The following HMGN1 variants were observed in gnomAD, a reference collection of about 807,000 sequenced individuals.
HMGN1 encodes non-histone chromosomal protein HMG-14.
A neutral mutation model predicts 18.4 loss-of-function variants in HMGN1; 9 were observed. That is an observed-to-expected ratio of 0.49 (90% CI 0.29 to 0.85). HMGN1 has a LOEUF of 0.85. HMGN1 is among the 40% of genes least tolerant of loss of function. HMGN1 has a pLI of 0.07. For missense variants in HMGN1, 151 were observed against 119.2 expected, an observed-to-expected ratio of 1.27 and a Z score of -1.24; for synonymous variants, 59 against 45.0, an observed-to-expected ratio of 1.31 and a Z score of -1.24.
intron 1 of HMGN1, 100 bp downstream of exon 1, chr21:39,348,803 C>T: frequency 9.4e-7 from 1 of 1,062,310 alleles, no homozygotes. Context: ...CTCCCGGGCC[C>T]GTCGCCACCG....
intron 4 of HMGN1, chr21:39,347,103 A>G (rs2146858327): frequency 6.1e-6 from 1 of 163,480 alleles, no homozygotes; most frequent in South Asian, 1.4e-4. Flanking sequence ...AGGTAATAAT[A>G]TACTGCTCAC....
intron 1 of HMGN1, 112 bp downstream of exon 1, chr21:39,348,791 G>A: frequency 5.7e-6 from 6 of 1,053,048 alleles, no homozygotes; most frequent in Non-Finnish European, 6.2e-6. Flanking sequence ...GTCTCCAAGC[G>A]CCTCCCGGGC....
At position 39,348,298 on chromosome 21, in the gene HMGN1, T is replaced by C. The variant is rs766292229; in HGVS notation, c.120A>G (p.Ala40=). The C allele has an allele frequency of 1.0e-4, 166 of 1,614,014 alleles. No individual in the cohort carries two copies. Among genetic ancestry groups the C allele is most frequent in the Non-Finnish European group, 1.4e-4 (160 of 1,179,982 alleles). Residue 40 remains alanine (A), a synonymous_variant, in exon 4 of 6, where the codon GCA becomes GCG. Coordinates refer to ENST00000380749, the MANE Select transcript of HMGN1 (RefSeq NM_004965.7). Reference sequence around the variant, plus strand: ...TGCGCGTTTCGAGGCTTACCTTCGCTGCTGCCTTTTTCGGCTTCGCTTCCA... The same window carrying C: ...TGCGCGTTTCGAGGCTTACCTTCGCCGCTGCCTTTTTCGGCTTCGCTTCCA... ...AKVEAKPKKA[A]AKDKSSDKKV... is the part of the protein sequence containing the mutation.
Position 39,348,500 on chromosome 21 carries a change from G to C in HMGN1, c.48+45C>G, listed in dbSNP as rs114120188. The C allele has an allele frequency of 2.5e-3, 4,083 of 1,614,014 alleles. 73 individuals are homozygous for C. The African/African-American group carries it at 0.041, about 16-fold the overall frequency. ...CAGCGAGAAGAGAAGGCAGGCCAGC[G>C]GCTCACGGGAAACCCACCACCCCCC... On this transcript the variant is annotated intron_variant, in intron 2 of 5. Transcript: ENST00000380749.
At chr21:39,348,789 G>A in intron 1 of HMGN1, 114 bp downstream of exon 1, 1 of 1,078,098 alleles carries the variant, frequency 9.3e-7, no homozygotes, top group South Asian at 2.3e-5. Context: ...CGGTCTCCAA[G>A]CGCCTCCCGG....
At chr21:39,344,284 GAAGTACAA>G (rs2036967134) in intron 5 of HMGN1, among the ~76,000 whole-genome samples, 1 of 131,258 alleles carries the variant, frequency 7.6e-6, no homozygotes, top group South Asian at 2.3e-4. Flanking sequence ...AAGGAATTAA[GAAGTACAA>G]GAAGTACAAG....
Position 39,345,846 on chromosome 21 carries a change from T to C in HMGN1, c.127-572A>G, listed in dbSNP as rs760049027. 6.9e-6 allele frequency: 9 copies of C among 1,302,142 alleles called. No homozygotes were observed. In the South Asian group the frequency reaches 9.9e-5, roughly 14 times the overall value. The allele number at this position is 1,302,142 out of a possible 1,614,324, so 80.7% of individuals were successfully genotyped here. A position where few individuals can be genotyped will look rare whatever the true frequency, so the allele number is the denominator to read the frequency against. On this transcript the variant is annotated intron_variant, in intron 4 of 5. Coordinates refer to ENST00000380749, the MANE Select transcript of HMGN1 (RefSeq NM_004965.7). ...ACCAATCACCTGAAAAAAAGCACCA[T>C]GCCGTACGGTCAGGTTGACTATCCT...
At chr21:39,345,676 A>G in intron 4 of HMGN1, 1 of 458,630 alleles carries the variant, frequency 2.2e-6, no homozygotes, top group Non-Finnish European at 4.0e-6. Flanking sequence ...GCCATCATCC[A>G]CTATTCCCTA....
chr21:39,343,235 T>C (rs1338812078), intron 5 of HMGN1, 76 bp from the exon 6 acceptor site: 1 of 1,398,912 alleles, frequency 7.1e-7, no homozygotes, highest in Non-Finnish European at 9.9e-7. Context: ...ATCAGGTCTT[T>C]AAAAAAGTCA....
Position 39,348,928 on chromosome 21 carries a change from G to C in HMGN1, c.-11C>G. 1 of 1,194,428 alleles carries C rather than the reference G, an allele frequency of 8.4e-7. No homozygotes were observed. The highest frequency in any genetic ancestry group is 1.0e-6 in the Non-Finnish European group (1 of 964,358). 74.0% of individuals were successfully genotyped at this position (1,194,428 alleles called of 1,614,324 possible). A position where few individuals can be genotyped will look rare whatever the true frequency, so the allele number is the denominator to read the frequency against. The stretch of plus-strand genomic sequence containing the variant: ...CTTCCTCTTGGGCATCGTGGCGGCG[G>C]GGAAGGCGCGTGCCGGGTGCCTGCG... On this transcript the variant is annotated 5_prime_UTR_variant, in exon 1 of 6. Transcript: ENST00000380749.
chr21:39,344,838 G>C (rs564170525), intron 5 of HMGN1, among the ~76,000 whole-genome samples: 1 of 151,984 alleles, frequency 6.6e-6, no homozygotes, highest in East Asian at 1.9e-4. Flanking sequence ...TGCAAGTAAG[G>C]GGAATAAATT....
chr21:39,346,735 G>T (rs1010588524), intron 4 of HMGN1: 3 of 152,226 alleles, frequency 2.0e-5, no homozygotes, highest in African/African-American at 4.8e-5. Context: ...GTTCTGTTTA[G>T]ACTTCAAAGT....
chr21:39,346,624 G>C (rs1422432984), intron 4 of HMGN1: 2 of 152,438 alleles, frequency 1.3e-5, no homozygotes, highest in Admixed American at 6.5e-5. Context: ...AAAATATTTA[G>C]TTCTAGGGAA....
chr21:39,344,020 C>T (rs12482979), intron 5 of HMGN1, among the ~76,000 whole-genome samples: 46,031 of 151,782 alleles, frequency 0.3, 7,306 homozygotes, highest in Middle Eastern at 0.35. Flanking sequence ...TTTGTGAGGC[C>T]AAGGCGGACA....
chr21:39,345,418 CAT>C (rs1479587976), intron 4 of HMGN1, 144 bp from the exon 5 acceptor site: 19 of 724,952 alleles, frequency 2.6e-5, no homozygotes, highest in South Asian at 9.0e-5. Flanking sequence ...ACATCTCACA[CAT>C]GAGCGTGAAA....
In HMGN1 at chr21:39,348,949, C is replaced by T. The variant is rs2037172425; in HGVS notation, c.-32G>A. 4 of 1,197,596 alleles carry T rather than the reference C, an allele frequency of 3.3e-6. No individual in the cohort carries two copies. The highest frequency in any genetic ancestry group is 4.1e-6 in the Non-Finnish European group (4 of 966,368). The allele number at this position is 1,197,596 out of a possible 1,614,324, so 74.2% of individuals were successfully genotyped here. A position where few individuals can be genotyped will look rare whatever the true frequency, so the allele number is the denominator to read the frequency against. On this transcript the variant is annotated 5_prime_UTR_variant, in exon 1 of 6. Coordinates refer to ENST00000380749, the MANE Select transcript of HMGN1 (RefSeq NM_004965.7). Reference sequence around the variant, plus strand: ...GGCGGGGAAGGCGCGTGCCGGGTGCCTGCGGGGAAGGCGCGTGCCGGGTGC... The same window carrying T: ...GGCGGGGAAGGCGCGTGCCGGGTGCTTGCGGGGAAGGCGCGTGCCGGGTGC...
intron 4 of HMGN1, 138 bp downstream of exon 4, chr21:39,348,154 C>G: frequency 8.5e-7 from 1 of 1,171,370 alleles, no homozygotes. Flanking sequence ...ATTTTTGCCT[C>G]GACCACTAGA....
chr21:39,344,666 T>C (rs911948876), intron 5 of HMGN1: 2 of 153,880 alleles, frequency 1.3e-5, no homozygotes, highest in Non-Finnish European at 2.9e-5. Flanking sequence ...CTTAAAACAA[T>C]AAAGATTCAG....
At position 39,345,131 on chromosome 21, in the gene HMGN1, ACACACAC is replaced by A. The variant is rs771775316; in HGVS notation, c.255+8_255+14del. 10 of 1,573,830 alleles carry A rather than the reference ACACACAC, an allele frequency of 6.4e-6. No individual in the cohort carries two copies. Among genetic ancestry groups the A allele is most frequent in the Non-Finnish European group, 7.8e-6 (9 of 1,158,516 alleles). ...CAATCACACACACACACACACACAC[ACACACAC>A]TTCTGACCTCCTCAGTCTTCGTTTC... On this transcript the variant is annotated splice_region_variant and intron_variant, in intron 5 of 5. Coordinates refer to ENST00000380749, the MANE Select transcript of HMGN1 (RefSeq NM_004965.7).
Sources: gnomAD v4.1 joint callset for allele counts (sites outside exome capture counted in the v4.1 genomes callset) on GRCh38, gnomAD v4.1.1 for gene constraint, MANE v1.5 for transcripts, NCBI Gene and HGNC (gene_info 2026-07-23, HGNC 2026-07-21) for gene names.